Variants in BMPER observed in about 807,000 individuals in gnomAD.
BMPER encodes the protein BMP-binding endothelial regulator protein.
BMPER carries 45 observed loss-of-function variants against 87.3 expected under a neutral mutation model. The observed-to-expected ratio is 0.52, with a 90% confidence interval of 0.41 to 0.66. The LOEUF is 0.66. Among genes scored for constraint, BMPER ranks in the 30% least tolerant of loss-of-function variants. The probability of loss-of-function intolerance (pLI) is 0.00; values close to 1 mark genes in which losing one functional copy is unlikely to be tolerated. For missense variants in BMPER, 784 were observed against 867.5 expected (o/e 0.90, Z 1.21); for synonymous variants, 326 against 316.2 (o/e 1.03, Z -0.33).
intron 6 of BMPER, among the ~76,000 whole-genome samples, chr7:33,985,152 A>G (rs1303909779): frequency 6.6e-6 from 1 of 152,234 alleles, no homozygotes; most frequent in African/African-American, 2.4e-5. Context: ...ATTGTATGAT[A>G]ATTTCAAAAA....
intron 11 of BMPER, among the ~76,000 whole-genome samples, chr7:34,068,276 G>C (rs1562722449): frequency 6.6e-6 from 1 of 152,214 alleles, no homozygotes; most frequent in East Asian, 1.9e-4. Flanking sequence ...CAACCAGGTA[G>C]CTGGCCCGAA....
In BMPER at chr7:34,044,873, G is replaced by A. The variant is rs775042408; in HGVS notation, c.577-1433G>A. Among the ~76,000 whole-genome samples, 4 of 152,102 alleles carry A rather than the reference G, an allele frequency of 2.6e-5. No homozygotes were observed. In the South Asian group the frequency reaches 6.2e-4, roughly 24 times the overall value. On this transcript the variant is annotated intron_variant, in intron 6 of 14. Coordinates refer to ENST00000649409, the MANE Select transcript of BMPER (RefSeq NM_001365308.1). ...AATAAACTGTTATAATAAAAATGGC[G>A]AGAACAGGAAGGGAAAACAGAAACA...
chr7:33,910,445 G>A (rs1324369830), intron 2 of BMPER, among the ~76,000 whole-genome samples: 3 of 152,316 alleles, frequency 2.0e-5, no homozygotes, highest in Non-Finnish European at 2.9e-5. Context: ...TGAGAAGTGT[G>A]GTGCTTGATC....
chr7:34,144,127 A>G (rs927342275), intron 14 of BMPER, among the ~76,000 whole-genome samples: 3 of 152,188 alleles, frequency 2.0e-5, no homozygotes, highest in Non-Finnish European at 2.9e-5. Context: ...GCTTCTCTAC[A>G]GATGATATTT....
chr7:33,924,263 T>G (rs1585640805), intron 2 of BMPER, among the ~76,000 whole-genome samples: 1 of 152,188 alleles, frequency 6.6e-6, no homozygotes, highest in Admixed American at 6.5e-5. Context: ...GGATTATTTC[T>G]AACTACCTGT....
intron 6 of BMPER, among the ~76,000 whole-genome samples, chr7:33,994,670 T>G (rs1018940864): frequency 1.3e-5 from 2 of 152,176 alleles, no homozygotes; most frequent in African/African-American, 4.8e-5. Flanking sequence ...GCCTTTGCTG[T>G]TAGATTATTC....
intron 2 of BMPER, among the ~76,000 whole-genome samples, chr7:33,916,439 G>A (rs921753581): frequency 4.6e-5 from 7 of 152,156 alleles, no homozygotes; most frequent in Admixed American, 1.3e-4. Flanking sequence ...CTTCTGAGTC[G>A]TCTTCATTTT....
intron 13 of BMPER, among the ~76,000 whole-genome samples, chr7:34,098,638 C>G (rs987074200): frequency 6.6e-6 from 1 of 152,048 alleles, no homozygotes; most frequent in African/African-American, 2.4e-5. Context: ...GGCCCATCTG[C>G]GAGCATGAAG....
intron 6 of BMPER, among the ~76,000 whole-genome samples, chr7:33,985,534 A>T (rs958317373): frequency 1.3e-5 from 2 of 152,194 alleles, no homozygotes; most frequent in Non-Finnish European, 2.9e-5. Context: ...GGGTCAACGA[A>T]TCAAATATCT....
chr7:34,112,266 G>A (rs189802573), intron 13 of BMPER, among the ~76,000 whole-genome samples: 229 of 151,774 alleles, frequency 1.5e-3, no homozygotes, highest in African/African-American at 5.1e-3. Context: ...AGGCTGAGGC[G>A]GGCGGATCAC....
At chr7:34,065,828 C>A (rs1261609001) in intron 11 of BMPER, among the ~76,000 whole-genome samples, 1 of 152,202 alleles carries the variant, frequency 6.6e-6, no homozygotes, top group Non-Finnish European at 1.5e-5. Context: ...TCCACTCTTA[C>A]GTGTTTTCAG....
intron 6 of BMPER, among the ~76,000 whole-genome samples, chr7:33,981,905 G>T (rs970619547): frequency 6.6e-6 from 1 of 152,204 alleles, no homozygotes; most frequent in Admixed American, 6.5e-5. Flanking sequence ...CTAAGCCTCA[G>T]AGATCCCCAC....
chr7:34,010,875 T>C (rs899981978), intron 6 of BMPER, among the ~76,000 whole-genome samples: 3 of 151,950 alleles, frequency 2.0e-5, no homozygotes, highest in Admixed American at 1.3e-4. Flanking sequence ...TTAGTGTTAA[T>C]TGACATATAT....
In BMPER at chr7:34,001,044, A is replaced by G. The variant is rs1293048746; in HGVS notation, c.576+26260A>G. ...ATTTCTGCGATAACTCTCACATGCT[A>G]TATCTTTTTTTTATATATTGTTGTA... On this transcript the variant is annotated intron_variant, in intron 6 of 14. Transcript: ENST00000649409. 2.6e-5 allele frequency among the ~76,000 whole-genome samples: 4 copies of G among 151,800 alleles called. No homozygotes were observed. In the East Asian group the frequency reaches 7.7e-4, roughly 29 times the overall value.
At chr7:34,100,006 CA>C (rs1356127484) in intron 13 of BMPER, among the ~76,000 whole-genome samples, 9 of 152,036 alleles carry the variant, frequency 5.9e-5, no homozygotes, top group Non-Finnish European at 1.0e-4. Flanking sequence ...GCCTGGGGTG[CA>C]GGTCAGTGGA....
At chr7:33,957,618 A>G (rs576280608) in intron 3 of BMPER, among the ~76,000 whole-genome samples, 4 of 152,216 alleles carry the variant, frequency 2.6e-5, no homozygotes, top group Non-Finnish European at 5.9e-5. Context: ...AACTGGTAAA[A>G]TCTGAATAAG....
intron 13 of BMPER, among the ~76,000 whole-genome samples, chr7:34,115,575 A>G (rs992257978): frequency 1.3e-5 from 2 of 152,214 alleles, no homozygotes; most frequent in African/African-American, 4.8e-5. Flanking sequence ...TGAACATTTC[A>G]TACAAATGAA....
At chr7:34,134,209 C>T (rs769182031) in intron 13 of BMPER, among the ~76,000 whole-genome samples, 1 of 152,070 alleles carries the variant, frequency 6.6e-6, no homozygotes, top group Non-Finnish European at 1.5e-5. Context: ...GTAAGCATGA[C>T]GGTGATGAAT....
At chr7:34,147,071 G>C (rs1350521863) in intron 14 of BMPER, among the ~76,000 whole-genome samples, 4 of 152,212 alleles carry the variant, frequency 2.6e-5, no homozygotes, top group Non-Finnish European at 5.9e-5. Flanking sequence ...CATGGAAAAG[G>C]TGCTGGAAAC....
Sources: gnomAD v4.1 joint callset for allele counts (sites outside exome capture counted in the v4.1 genomes callset) on GRCh38, gnomAD v4.1.1 for gene constraint, MANE v1.5 for transcripts, NCBI Gene and HGNC (gene_info 2026-07-23, HGNC 2026-07-21) for gene names.